SMG8: variants seen among roughly 807,000 people sequenced by gnomAD.
SMG8 encodes SMG8 nonsense mediated mRNA decay factor.
In SMG8, 49 loss-of-function variants were observed where a neutral mutation model predicts 82.1. The observed-to-expected ratio is 0.60, with a 90% CI of 0.47 to 0.76. The LOEUF is 0.76. SMG8 is among the 30% of genes least tolerant of loss of function. SMG8 has a pLI of 0.00. For synonymous variants in SMG8, 404 were observed against 430.0 expected, an observed-to-expected ratio of 0.94 and a Z score of 0.75; for missense variants, 969 against 1,166.4, an observed-to-expected ratio of 0.83 and a Z score of 2.46.
At chr17:59,214,159 C>G (rs1335187164) in intron 3 of SMG8, among the ~76,000 whole-genome samples, 1 of 151,988 alleles carries the variant, frequency 6.6e-6, no homozygotes, top group Non-Finnish European at 1.5e-5. Context: ...TGGAAGGCGC[C>G]TGTAATCCCA....
chr17:59,214,232 A>G (rs2046957459), intron 3 of SMG8, among the ~76,000 whole-genome samples: 1 of 152,022 alleles, frequency 6.6e-6, no homozygotes, highest in East Asian at 1.9e-4. Context: ...GGTTGCAGTG[A>G]GCCGAGATCG....
chr17:59,214,206 T>C (rs1329796034), intron 3 of SMG8, among the ~76,000 whole-genome samples: 1 of 151,798 alleles, frequency 6.6e-6, no homozygotes. Context: ...ATCACTTGAA[T>C]CAACCTGTAA....
Position 59,212,892 on chromosome 17 carries a change from G to A in SMG8, c.2069G>A (p.Ser690Asn). ...KEKEPQTQGE[S>N]TSLSLALSLG... The stretch of plus-strand genomic sequence containing the variant: ...AAAGAACCTCAAACCCAAGGAGAGA[G>A]CACGAGCCTGAGTTTAGCTTTGAGT... Residue 690 changes from serine to asparagine, a missense_variant, in exon 3 of 4, where the codon AGC becomes AAC. Physicochemically the swap from Ser to Asn is conservative, Grantham distance 46. Around this residue, in one of 3 missense-constraint regions of SMG8, gnomAD observed 662 missense variants for 884.8 expected, o/e 0.75. Transcript: ENST00000300917. 6.2e-7 allele frequency: 1 copy of A among 1,614,120 alleles called. No homozygotes were observed. The highest frequency in any genetic ancestry group is 8.5e-7 in the Non-Finnish European group (1 of 1,180,044).
chr17:59,211,076 G>C lies in SMG8; in HGVS notation c.1025G>C (p.Ser342Thr). 1 of 1,614,212 alleles carries C rather than the reference G, an allele frequency of 6.2e-7. No individual in the cohort carries two copies. The highest frequency in any genetic ancestry group is 8.5e-7 in the Non-Finnish European group (1 of 1,180,042). ...GCTTTCGTGTACATAGTACCGGGAA[G>C]CCAGGAGGAGGACCCAGTAGGTATG... ...NQAFVYIVPG[S>T]QEEDPVGMLL... Residue 342 changes from serine (S) to threonine (T), a missense_variant, in exon 1 of 4, where the codon AGC becomes ACC. Ser to Thr is a moderately conservative substitution (Grantham distance 58, BLOSUM62 1). Transcript: ENST00000300917.
Position 59,210,697 on chromosome 17 carries a change from A to G in SMG8, c.646A>G (p.Thr216Ala). ...TCATATCTTGCTTCTGGTCCATCCC[A>G]CTTGTTCCTTTGATATCACTTATGA... ...VCHILLLVHP[T>A]CSFDITYDRV... Residue 216 changes from threonine to alanine, a missense_variant, in exon 1 of 4, where the codon ACT becomes GCT. Physicochemically the swap from Thr to Ala is moderately conservative, Grantham distance 58. Transcript: ENST00000300917. 1 of 1,613,978 alleles carries G rather than the reference A, an allele frequency of 6.2e-7. No homozygotes were observed. Among genetic ancestry groups the G allele is most frequent in the Non-Finnish European group, 8.5e-7 (1 of 1,179,992 alleles).
chr17:59,212,381 T>C lies in SMG8; in HGVS notation c.1800T>C (p.Tyr600=). 2 of 1,601,530 alleles carry C rather than the reference T, an allele frequency of 1.2e-6. No homozygotes were observed. Among genetic ancestry groups the C allele is most frequent in the South Asian group, 2.2e-5 (2 of 89,932 alleles). Residue 600 remains tyrosine (Y), a synonymous_variant, in exon 2 of 4, where the codon TAT becomes TAC. Coordinates refer to ENST00000300917, the MANE Select transcript of SMG8 (RefSeq NM_018149.7). ...CTGATAGAAATCCGCCTGTGCTATA[T>C]CACAATAGCCGAGCTCGATCTACTG... ...PEADRNPPVL[Y]HNSRARSTGA...
rs1425486546 is a variant in SMG8 at position 59,211,722 on chromosome 17, AT to A, written c.1675del (p.Trp559GlyfsTer13). 6.2e-7 allele frequency: 1 copy of A among 1,613,652 alleles called. No homozygotes were observed. Among genetic ancestry groups the A allele is most frequent in the Non-Finnish European group, 8.5e-7 (1 of 1,179,872 alleles). Reference sequence around the variant, plus strand: ...TGCAGTTACATGAGGACTGCTACAAATTTTGGAGCAATGGCCATCAGCTCTG... The same window carrying A: ...TGCAGTTACATGAGGACTGCTACAAATTTGGAGCAATGGCCATCAGCTCTG... ...AMQLHEDCYKFWSNGHQLCEE... is the reference protein window; with the variant it reads ...AMQLHEDCYKXWSNGHQLCEE... On this transcript the variant is annotated frameshift_variant, in exon 1 of 4. Transcript: ENST00000300917. LOFTEE classifies it high-confidence loss of function.
chr17:59,213,234 C>G lies in SMG8; in HGVS notation c.2411C>G (p.Thr804Ser), dbSNP rs777340666. 1 of 1,614,184 alleles carries G rather than the reference C, an allele frequency of 6.2e-7. No individual in the cohort carries two copies. The highest frequency in any genetic ancestry group is 1.7e-5 in the Admixed American group (1 of 60,014). Residue 804 changes from threonine (T) to serine (S), a missense_variant, in exon 3 of 4, where the codon ACT becomes AGT. Thr to Ser is a moderately conservative substitution (Grantham distance 58). This residue lies in a region of SMG8 where 662 missense variants were observed against 884.8 expected (regional missense o/e 0.75). Transcript: ENST00000300917. ...YLMPWDIVIRTRAEDEGDLDT... is the reference protein window; with the variant it reads ...YLMPWDIVIRSRAEDEGDLDT... ...ATGCCTTGGGACATTGTCATCAGGA[C>G]TAGAGCTGAAGATGAAGGAGACTTA...
At chr17:59,213,626 C>A in intron 3 of SMG8, 25 bp downstream of exon 3, 1 of 1,552,870 alleles carries the variant, frequency 6.4e-7, no homozygotes, top group Non-Finnish European at 8.7e-7. Context: ...CCTCTGCAGC[C>A]CCAAACAAGT....
At position 59,215,024 on chromosome 17, in the gene SMG8, C is replaced by CCTATA. The variant is rs1360263755; in HGVS notation, c.*25_*29dup. ...ATAAGTGTTTTCCAGCCAGTTCAAT[C>CCTATA]CTATACTTGAGCTGGTTTTTGTTTT... On this transcript the variant is annotated 3_prime_UTR_variant, in exon 4 of 4. Transcript: ENST00000300917. The CCTATA allele has an allele frequency of 1.0e-5, 9 of 864,694 alleles. No individual in the cohort carries two copies. The highest frequency in any genetic ancestry group is 8.5e-5 in the Admixed American group (5 of 58,582). 53.6% of individuals were successfully genotyped at this position (864,694 alleles called of 1,614,324 possible). A position where few individuals can be genotyped will look rare whatever the true frequency, so the allele number is the denominator to read the frequency against.
intron 2 of SMG8, 106 bp from the exon 3 acceptor site, chr17:59,212,623 C>CT (rs1315551407): frequency 6.9e-7 from 1 of 1,456,898 alleles, no homozygotes; most frequent in Non-Finnish European, 9.2e-7. Flanking sequence ...GGAGCAAATT[C>CT]TTTATGTGTA....
chr17:59,210,068 G>A lies in SMG8; in HGVS notation c.17G>A (p.Ser6Asn). The A allele has an allele frequency of 6.4e-7, 1 of 1,565,140 alleles. No individual in the cohort carries two copies. The highest frequency in any genetic ancestry group is 8.6e-7 in the Non-Finnish European group (1 of 1,160,344). Residue 6 changes from serine to asparagine, a missense_variant, in exon 1 of 4, where the codon AGC becomes AAC. Coordinates refer to ENST00000300917, the MANE Select transcript of SMG8 (RefSeq NM_018149.7). ...CTCTGCACTATGGCTGGTCCCGTGA[G>A]CTTGCGAGACCTTCTAATGGGAGCA... MAGPV[S>N]LRDLLMGASA...
rs1301259951 is a variant in SMG8 at position 59,213,262 on chromosome 17, C to T, written c.2439C>T (p.Asp813=). The change falls in exon 3 of 4, where the codon GAC becomes GAT. Residue 813 remains aspartate (D), a synonymous_variant. Transcript: ENST00000300917. ...RTRAEDEGDL[D]TNSWPAPNKA... Reference sequence around the variant, plus strand: ...GAGCTGAAGATGAAGGAGACTTAGACACAAACTCTTGGCCTGCTCCAAATA... The same window carrying T: ...GAGCTGAAGATGAAGGAGACTTAGATACAAACTCTTGGCCTGCTCCAAATA... 2 of 1,614,076 alleles carry T rather than the reference C, an allele frequency of 1.2e-6. No individual in the cohort carries two copies. Among genetic ancestry groups the T allele is most frequent in the African/African-American group, 1.3e-5 (1 of 74,928 alleles).
intron 3 of SMG8, among the ~76,000 whole-genome samples, chr17:59,213,841 A>T (rs2046955943): frequency 6.6e-6 from 1 of 152,186 alleles, no homozygotes; most frequent in Non-Finnish European, 1.5e-5. Context: ...TTAAATTAAA[A>T]AACGAATTAT....
chr17:59,213,464 A>G lies in SMG8; in HGVS notation c.2641A>G (p.Lys881Glu). 6.2e-7 allele frequency: 1 copy of G among 1,614,176 alleles called. No homozygotes were observed. Among genetic ancestry groups the G allele is most frequent in the South Asian group, 1.1e-5 (1 of 91,082 alleles). ...AAGTGGGCCAAAGGAATCAGCTTTA[A>G]AAGCCCTAAATAGTGACATGCCCTT... ...MGSGPKESAL[K>E]ALNSDMPLYI... Residue 881 changes from lysine (K) to glutamate (E), a missense_variant, in exon 3 of 4, where the codon AAA (lysine) becomes GAA (glutamate). By Grantham distance (56) the Lys-to-Glu change is moderately conservative (BLOSUM62 1). This residue lies in a region of SMG8 where 662 missense variants were observed against 884.8 expected (regional missense o/e 0.75). Coordinates refer to ENST00000300917, the MANE Select transcript of SMG8 (RefSeq NM_018149.7).
rs755161625 is a variant in SMG8 at position 59,213,338 on chromosome 17, C to T, written c.2515C>T (p.Arg839Ter). ...SAVVMGRGRR[R>*]DDIARAFVGF... ...GGTTGTAATGGGAAGAGGAAGACGG[C>T]GAGATGACATAGCTCGAGCTTTTGT... The change falls in exon 3 of 4, where the codon CGA (arginine) becomes TGA (stop). Residue 839 changes from arginine to a stop codon, truncating the protein, a stop_gained. Coordinates refer to ENST00000300917, the MANE Select transcript of SMG8 (RefSeq NM_018149.7). LOFTEE classifies it high-confidence loss of function. The T allele has an allele frequency of 3.1e-6, 5 of 1,613,974 alleles. No individual in the cohort carries two copies. Among genetic ancestry groups the T allele is most frequent in the Non-Finnish European group, 3.4e-6 (4 of 1,180,030 alleles).
Position 59,211,696 on chromosome 17 carries a change from A to T in SMG8, c.1645A>T (p.Met549Leu). The change falls in exon 1 of 4, where the codon ATG becomes TTG. Residue 549 changes from methionine to leucine, a missense_variant. This residue lies in a region of SMG8 where 662 missense variants were observed against 884.8 expected (regional missense o/e 0.75). Transcript: ENST00000300917. ...AGGTCCAGCATTTCACAAATACGCCATGCAGTTACATGAGGACTGCTACAA... is the reference window on the plus strand; with the variant it reads ...AGGTCCAGCATTTCACAAATACGCCTTGCAGTTACATGAGGACTGCTACAA... ...ARGPAFHKYAMQLHEDCYKFW... is the reference protein window; with the variant it reads ...ARGPAFHKYALQLHEDCYKFW... 6.2e-7 allele frequency: 1 copy of T among 1,614,084 alleles called. No homozygotes were observed. Among genetic ancestry groups the T allele is most frequent in the South Asian group, 1.1e-5 (1 of 91,056 alleles).
At position 59,210,611 on chromosome 17, in the gene SMG8, A is replaced by T. The variant is rs1301096514; in HGVS notation, c.560A>T (p.Glu187Val). 6.2e-7 allele frequency: 1 copy of T among 1,606,070 alleles called. No homozygotes were observed. The highest frequency in any genetic ancestry group is 1.3e-5 in the African/African-American group (1 of 74,618). ...GLSLPHAEAHEFWKHQEKLQC... is the reference protein window; with the variant it reads ...GLSLPHAEAHVFWKHQEKLQC... ...TCTTTACCTCATGCAGAAGCACACG[A>T]GTTCTGGAAGCATCAAGAGAAGCTG... Residue 187 changes from glutamate (E) to valine (V), a missense_variant, in exon 1 of 4, where the codon GAG becomes GTG. Transcript: ENST00000300917.
In SMG8 at chr17:59,215,040, T is replaced by G; in HGVS notation, c.*38T>G. 1 of 856,526 alleles carries G rather than the reference T, an allele frequency of 1.2e-6. No individual in the cohort carries two copies. The highest frequency in any genetic ancestry group is 2.0e-6 in the Non-Finnish European group (1 of 490,814). The allele number at this position is 856,526 out of a possible 1,614,324, so 53.1% of individuals were successfully genotyped here. ...CAGTTCAATCCTATACTTGAGCTGG[T>G]TTTTGTTTTTGGTATTTGTGGCTGT... On this transcript the variant is annotated 3_prime_UTR_variant, in exon 4 of 4. Transcript: ENST00000300917.
Sources: allele counts gnomAD v4.1 joint callset (sites outside exome capture counted in the v4.1 genomes callset), GRCh38; gene constraint gnomAD v4.1.1; regional missense constraint gnomAD v4.1.1; transcripts MANE v1.5; gene names NCBI Gene and HGNC (gene_info 2026-07-23, HGNC 2026-07-21).